The following SPIDR variants were observed in gnomAD, a reference collection of about 807,000 sequenced individuals.
SPIDR encodes DNA repair-scaffolding protein.
SPIDR carries 93 observed loss-of-function variants against 104.6 expected under a neutral mutation model. That is an observed-to-expected ratio of 0.89 (90% CI 0.75 to 1.06). The LOEUF (loss-of-function observed/expected upper bound fraction) is 1.06, where lower values mean the gene tolerates loss of function less well. Among genes scored for constraint, SPIDR ranks in the 50% least tolerant of loss-of-function variants. The pLI, the probability that SPIDR is intolerant of heterozygous loss-of-function variation, is 0.00. For missense variants in SPIDR, 1,154 were observed against 1,111.2 expected (o/e 1.04, Z -0.55); for synonymous variants, 431 against 416.9 (o/e 1.03, Z -0.41).
intron 5 of SPIDR, among the ~76,000 whole-genome samples, chr8:47,322,896 CGG>C (rs1438943813): frequency 2.6e-5 from 4 of 151,412 alleles, no homozygotes; most frequent in African/African-American, 9.7e-5. Context: ...AGTGAGAACA[CGG>C]GGGCACAAGA....
At chr8:47,551,572 T>C (rs561124109) in intron 8 of SPIDR, among the ~76,000 whole-genome samples, 8 of 152,234 alleles carry the variant, frequency 5.3e-5, no homozygotes, top group Non-Finnish European at 7.3e-5. Flanking sequence ...GTGTTTATAG[T>C]ATTCTCTGAT....
chr8:47,305,538 A>G (rs920555598), intron 5 of SPIDR, among the ~76,000 whole-genome samples: 42 of 152,242 alleles, frequency 2.8e-4, no homozygotes, highest in Non-Finnish European at 4.6e-4. Flanking sequence ...GTTTAAAAAA[A>G]CAGGAATAAA....
At chr8:47,596,888 C>A (rs2061681121) in intron 9 of SPIDR, among the ~76,000 whole-genome samples, 1 of 151,686 alleles carries the variant, frequency 6.6e-6, no homozygotes, top group South Asian at 2.1e-4. Flanking sequence ...CACAAACATA[C>A]ACAATAGCCT....
At position 47,690,272 on chromosome 8, in the gene SPIDR, T is replaced by TG. The variant is rs369300463; in HGVS notation, c.1686-10123dup. Among the ~76,000 whole-genome samples, 523 of 148,266 alleles carry TG rather than the reference T, an allele frequency of 3.5e-3. 1 individual carries two copies. Among genetic ancestry groups the TG allele is most frequent in the Non-Finnish European group, 4.8e-3 (325 of 67,400 alleles). On this transcript the variant is annotated intron_variant, in intron 11 of 19. Coordinates refer to ENST00000297423, the MANE Select transcript of SPIDR (RefSeq NM_001080394.4). ...TTTCCTGTGAAGTTGAGAGAGTGTG[T>TG]GGGGGGGGTGAGGGGTGCGCGTGCA...
intron 8 of SPIDR, among the ~76,000 whole-genome samples, chr8:47,468,837 T>C (rs541114452): frequency 1.3e-5 from 2 of 152,262 alleles, no homozygotes; most frequent in African/African-American, 2.4e-5. Context: ...AATTGACATA[T>C]GGGATCTAAT....
In SPIDR at chr8:47,487,780, T is replaced by A. The variant is rs149968390; in HGVS notation, c.1097+47238T>A. On this transcript the variant is annotated intron_variant, in intron 8 of 19. Transcript: ENST00000297423. The stretch of plus-strand genomic sequence containing the variant: ...ACTGGGTACATAACGAAATGAAGGC[T>A]GAAATAAAGATGTTCTTTGAAACCA... Among the ~76,000 whole-genome samples, 1,399 of 152,124 alleles carry A rather than the reference T, an allele frequency of 9.2e-3. 23 individuals are homozygous for A. Among genetic ancestry groups the A allele is most frequent in the African/African-American group, 0.031 (1,301 of 41,496 alleles).
chr8:47,702,743 A>G (rs1171646340), intron 14 of SPIDR, among the ~76,000 whole-genome samples: 1 of 152,192 alleles, frequency 6.6e-6, no homozygotes, highest in African/African-American at 2.4e-5. Flanking sequence ...CTCATGGGCA[A>G]TGTGCACCGG....
At chr8:47,505,585 G>A (rs957394766) in intron 8 of SPIDR, among the ~76,000 whole-genome samples, 3 of 152,178 alleles carry the variant, frequency 2.0e-5, no homozygotes, top group African/African-American at 4.8e-5. Flanking sequence ...TGCGCTTCCC[G>A]GGTGAGGCAG....
At chr8:47,467,764 A>C (rs917290532) in intron 8 of SPIDR, among the ~76,000 whole-genome samples, 3 of 152,232 alleles carry the variant, frequency 2.0e-5, no homozygotes, top group African/African-American at 7.2e-5. Flanking sequence ...TGAATGGACA[A>C]AAATGGGAAG....
intron 11 of SPIDR, among the ~76,000 whole-genome samples, chr8:47,680,424 A>T (rs2076952858): frequency 6.6e-6 from 1 of 152,142 alleles, no homozygotes; most frequent in African/African-American, 2.4e-5. Flanking sequence ...ATCACGTTCC[A>T]TCCAGCTGAG....
chr8:47,340,648 G>A (rs1292540991), intron 5 of SPIDR, among the ~76,000 whole-genome samples: 1 of 152,182 alleles, frequency 6.6e-6, no homozygotes, highest in African/African-American at 2.4e-5. Context: ...AATCCTTGGA[G>A]TGTCTTTGTT....
intron 11 of SPIDR, among the ~76,000 whole-genome samples, chr8:47,684,748 G>T (rs944789652): frequency 4.6e-5 from 7 of 152,200 alleles, no homozygotes; most frequent in Admixed American, 1.3e-4. Flanking sequence ...GTAGAGGAAA[G>T]AAATCAGAAG....
intron 8 of SPIDR, among the ~76,000 whole-genome samples, chr8:47,567,648 T>A (rs764242003): frequency 2.0e-4 from 30 of 152,264 alleles, no homozygotes; most frequent in Non-Finnish European, 1.2e-4. Context: ...GAGGTTAGTA[T>A]GGTAGGAAGG....
intron 8 of SPIDR, among the ~76,000 whole-genome samples, chr8:47,466,916 GAT>G (rs1564054448): frequency 5.5e-5 from 6 of 109,192 alleles, no homozygotes; most frequent in Non-Finnish European, 1.0e-4. Context: ...TATATATATA[GAT>G]AGATAGATAG....
rs1267869100 is a variant in SPIDR at position 47,275,125 on chromosome 8, G to A, written c.34-4737G>A. The stretch of plus-strand genomic sequence containing the variant: ...ATACAAAAAATTAGCCGCGCGTGGT[G>A]GGGGGCGCCTGTAGTCCCAGCTACT... On this transcript the variant is annotated intron_variant, in intron 1 of 19. Transcript: ENST00000297423. Among the ~76,000 whole-genome samples, 9 of 151,528 alleles carry A rather than the reference G, an allele frequency of 5.9e-5. No homozygotes were observed. The East Asian group carries it at 1.8e-3, about 30-fold the overall frequency.
intron 1 of SPIDR, among the ~76,000 whole-genome samples, chr8:47,266,940 G>A (rs140317674): frequency 4.8e-4 from 73 of 152,146 alleles, no homozygotes; most frequent in African/African-American, 1.6e-3. Flanking sequence ...AGCTACTTTC[G>A]GTGTGTATGG....
intron 8 of SPIDR, chr8:47,592,456 C>T: frequency 2.8e-6 from 4 of 1,442,250 alleles, no homozygotes; most frequent in South Asian, 2.3e-5. Flanking sequence ...TTTAAAAGTC[C>T]CTCCCTCAAA....
At chr8:47,632,172 A>G (rs2067165949) in intron 10 of SPIDR, among the ~76,000 whole-genome samples, 1 of 152,218 alleles carries the variant, frequency 6.6e-6, no homozygotes, top group South Asian at 2.1e-4. Flanking sequence ...TTACGTTTTA[A>G]TTTAATCACG....
intron 7 of SPIDR, among the ~76,000 whole-genome samples, chr8:47,429,480 A>G (rs938399497): frequency 1.6e-4 from 24 of 152,358 alleles, no homozygotes; most frequent in Admixed American, 2.6e-4. Flanking sequence ...TTTGTTTGTA[A>G]CTATACTTCC....
Sources: gnomAD v4.1 joint callset for allele counts (sites outside exome capture counted in the v4.1 genomes callset) on GRCh38, gnomAD v4.1.1 for gene constraint, MANE v1.5 for transcripts, NCBI Gene and HGNC (gene_info 2026-07-23, HGNC 2026-07-21) for gene names.